SMIM31: variants seen among roughly 807,000 people sequenced by gnomAD.
The protein encoded by SMIM31 is small integral membrane protein 31.
intron 2 of SMIM31, among the ~76,000 whole-genome samples, chr4:164,780,286 G>A (rs1016729988): frequency 3.3e-5 from 5 of 152,186 alleles, no homozygotes; most frequent in Admixed American, 6.5e-5. Context: ...AATTAGCCAG[G>A]CGTGGTGGCG....
At chr4:164,780,198 CG>C (rs1732929174) in intron 2 of SMIM31, among the ~76,000 whole-genome samples, 1 of 152,120 alleles carries the variant, frequency 6.6e-6, no homozygotes, top group African/African-American at 2.4e-5. Flanking sequence ...GAGGCCAAGG[CG>C]GGTGGATCAC....
Position 164,803,462 on chromosome 4 carries a change from AG to A in SMIM31, c.*2270del, listed in dbSNP as rs1159531827. On this transcript the variant is annotated 3_prime_UTR_variant, in exon 3 of 3. Transcript: ENST00000507311. The stretch of plus-strand genomic sequence containing the variant: ...AAACCTGTCAAGTTAGATGTTAAAG[AG>A]GACATGTAAAATAAAATCTCCCTAA... The A allele has an allele frequency of 6.6e-6, 1 of 152,138 alleles. No homozygotes were observed. The highest frequency in any genetic ancestry group is 1.5e-5 in the Non-Finnish European group (1 of 68,030). 9.4% of individuals were successfully genotyped at this position (152,138 alleles called of 1,614,324 possible). A position where few individuals can be genotyped will look rare whatever the true frequency, so the allele number is the denominator to read the frequency against.
At position 164,802,979 on chromosome 4, in the gene SMIM31, T is replaced by C. The variant is rs566524785; in HGVS notation, c.*1785T>C. 8 of 152,306 alleles carry C rather than the reference T, an allele frequency of 5.3e-5. No homozygotes were observed. In the East Asian group the frequency reaches 1.5e-3, roughly 29 times the overall value. The allele number at this position is 152,306 out of a possible 1,614,324, so 9.4% of individuals were successfully genotyped here. A position where few individuals can be genotyped will look rare whatever the true frequency, so the allele number is the denominator to read the frequency against. Reference sequence around the variant, plus strand: ...TACTTAATTTCTCTGAGCCTTGGTGTTCTCTCTGAAAAAATGAGCATTTTA... The same window carrying C: ...TACTTAATTTCTCTGAGCCTTGGTGCTCTCTCTGAAAAAATGAGCATTTTA... On this transcript the variant is annotated 3_prime_UTR_variant, in exon 3 of 3. Coordinates refer to ENST00000507311, the MANE Select transcript of SMIM31 (RefSeq NM_001352885.1).
intron 2 of SMIM31, among the ~76,000 whole-genome samples, chr4:164,794,650 C>G (rs796959264): frequency 3.3e-5 from 5 of 151,890 alleles, no homozygotes; most frequent in African/African-American, 1.2e-4. Flanking sequence ...ACTAAAAATA[C>G]AAAAATTAGC....
At chr4:164,783,816 CTAAAA>C (rs1307971644) in intron 2 of SMIM31, among the ~76,000 whole-genome samples, 9 of 151,624 alleles carry the variant, frequency 5.9e-5, no homozygotes, top group African/African-American at 2.2e-4. Context: ...ATATATCTTG[CTAAAA>C]TAAAATAATT....
At chr4:164,765,048 A>G (rs1475463973) in intron 1 of SMIM31, among the ~76,000 whole-genome samples, 2 of 152,202 alleles carry the variant, frequency 1.3e-5, no homozygotes, top group African/African-American at 4.8e-5. Flanking sequence ...GTGTCTGGAC[A>G]AGGTGATTTT....
chr4:164,774,093 G>A (rs1255230984), intron 2 of SMIM31, among the ~76,000 whole-genome samples: 2 of 151,390 alleles, frequency 1.3e-5, no homozygotes. Flanking sequence ...ATGAACCCGG[G>A]AGGTGGAGCA....
chr4:164,778,724 G>A (rs1470983296), intron 2 of SMIM31, among the ~76,000 whole-genome samples: 3 of 152,188 alleles, frequency 2.0e-5, no homozygotes, highest in African/African-American at 4.8e-5. Context: ...GGAAGAGCTC[G>A]GTGAGCATGA....
intron 1 of SMIM31, among the ~76,000 whole-genome samples, chr4:164,764,475 G>C (rs986960099): frequency 4.0e-5 from 6 of 151,628 alleles, no homozygotes; most frequent in Non-Finnish European, 8.8e-5. Flanking sequence ...GCTGAGGCAG[G>C]AGAATTGCTC....
At chr4:164,766,724 G>A (rs1351094051) in intron 1 of SMIM31, among the ~76,000 whole-genome samples, 1 of 151,954 alleles carries the variant, frequency 6.6e-6, no homozygotes, top group African/African-American at 2.4e-5. Flanking sequence ...CTTGAACCCG[G>A]GAAGCGGAGG....
At chr4:164,801,018 T>C in intron 2 of SMIM31, 73 bp from the exon 3 acceptor site, 1 of 396,986 alleles carries the variant, frequency 2.5e-6, no homozygotes, top group South Asian at 1.3e-4. Flanking sequence ...AGTCTTCTTA[T>C]AACCGAAGTT....
chr4:164,788,265 A>C (rs973523657), intron 2 of SMIM31, among the ~76,000 whole-genome samples: 2 of 152,052 alleles, frequency 1.3e-5, no homozygotes, highest in African/African-American at 4.8e-5. Context: ...AATTCTTCTG[A>C]TCAATAACAC....
chr4:164,755,334 G>C (rs1043608040), intron 1 of SMIM31, among the ~76,000 whole-genome samples: 5 of 150,774 alleles, frequency 3.3e-5, no homozygotes, highest in African/African-American at 1.2e-4. Context: ...GCAAAAATTA[G>C]CTGGACACGG....
At chr4:164,779,472 A>C (rs1732919651) in intron 2 of SMIM31, among the ~76,000 whole-genome samples, 1 of 152,226 alleles carries the variant, frequency 6.6e-6, no homozygotes, top group Non-Finnish European at 1.5e-5. Flanking sequence ...CAATCTGTAG[A>C]CTTTCTATTA....
At chr4:164,763,400 G>T (rs963768225) in intron 1 of SMIM31, among the ~76,000 whole-genome samples, 1 of 152,040 alleles carries the variant, frequency 6.6e-6, no homozygotes, top group African/African-American at 2.4e-5. Context: ...GTGTACATCA[G>T]GAAGGATGAG....
intron 2 of SMIM31, among the ~76,000 whole-genome samples, chr4:164,796,568 C>G (rs1244017423): frequency 6.6e-6 from 1 of 152,156 alleles, no homozygotes; most frequent in Non-Finnish European, 1.5e-5. Flanking sequence ...GCTCAGCATG[C>G]CTACTTCAAA....
At chr4:164,793,257 C>G (rs1051633076) in intron 2 of SMIM31, among the ~76,000 whole-genome samples, 1 of 152,110 alleles carries the variant, frequency 6.6e-6, no homozygotes, top group African/African-American at 2.4e-5. Context: ...TTATTGAGCA[C>G]GAGGCTCACT....
intron 1 of SMIM31, among the ~76,000 whole-genome samples, chr4:164,763,784 C>T (rs1421801703): frequency 1.3e-5 from 2 of 152,144 alleles, no homozygotes; most frequent in East Asian, 3.8e-4. Flanking sequence ...CATAGAATAC[C>T]TGCTTATTAA....
intron 1 of SMIM31, among the ~76,000 whole-genome samples, chr4:164,758,991 T>C (rs1732610755): frequency 6.6e-6 from 1 of 151,752 alleles, no homozygotes; most frequent in African/African-American, 2.4e-5. Context: ...TTTTCTGCTT[T>C]ATTCTGTTAA....
Sources: gnomAD v4.1 joint callset for allele counts (sites outside exome capture counted in the v4.1 genomes callset) on GRCh38, gnomAD v4.1.1 for gene constraint, MANE v1.5 for transcripts, NCBI Gene and HGNC (gene_info 2026-07-23, HGNC 2026-07-21) for gene names.